Variants in TRPS1 observed in about 807,000 individuals in gnomAD.
TRPS1 encodes transcriptional repressor GATA binding 1.
TRPS1 carries 6 observed loss-of-function variants against 101.2 expected under a neutral mutation model. That is an observed-to-expected ratio of 0.06 (90% CI 0.03 to 0.12). The LOEUF is 0.12. Among genes scored for constraint, TRPS1 ranks in the 10% least tolerant of loss-of-function variants. The probability of loss-of-function intolerance (pLI) is 1.00; values close to 1 mark genes in which losing one functional copy is unlikely to be tolerated. For missense variants in TRPS1, 1,363 were observed against 1,567.0 expected (o/e 0.87, Z 2.20); for synonymous variants, 578 against 589.8 (o/e 0.98, Z 0.29).
intron 3 of TRPS1, among the ~76,000 whole-genome samples, chr8:115,614,860 C>G (rs1429250739): frequency 6.6e-6 from 1 of 152,140 alleles, no homozygotes; most frequent in Non-Finnish European, 1.5e-5. Context: ...TTAATGGTCT[C>G]TGATTTTTTT....
At chr8:115,629,909 T>C (rs1387078224) in intron 1 of TRPS1, among the ~76,000 whole-genome samples, 7 of 152,012 alleles carry the variant, frequency 4.6e-5, no homozygotes. Flanking sequence ...AGTAAACACA[T>C]GTCTATTATA....
At chr8:115,419,385 GA>G (rs544100359) in intron 5 of TRPS1, among the ~76,000 whole-genome samples, 1 of 144,374 alleles carries the variant, frequency 6.9e-6, no homozygotes, top group Non-Finnish European at 1.5e-5. Flanking sequence ...AAAAAAAAAA[GA>G]AAAAAAAAGA....
chr8:115,499,130 A>G (rs1456304727), intron 5 of TRPS1, among the ~76,000 whole-genome samples: 1 of 152,236 alleles, frequency 6.6e-6, no homozygotes, highest in African/African-American at 2.4e-5. Flanking sequence ...ACTAAAGAGC[A>G]GATGAAGAGC....
At chr8:115,480,269 A>C (rs1157015945) in intron 5 of TRPS1, among the ~76,000 whole-genome samples, 1 of 152,114 alleles carries the variant, frequency 6.6e-6, no homozygotes, top group African/African-American at 2.4e-5. Flanking sequence ...AATACCATAC[A>C]AAACACCTAG....
intron 5 of TRPS1, among the ~76,000 whole-genome samples, chr8:115,488,207 A>G (rs567337406): frequency 3.9e-5 from 6 of 151,994 alleles, no homozygotes; most frequent in African/African-American, 1.4e-4. Context: ...TTAAATTAAG[A>G]TATGCACACT....
chr8:115,600,347 C>T (rs1312663669), intron 4 of TRPS1, among the ~76,000 whole-genome samples: 1 of 152,104 alleles, frequency 6.6e-6, no homozygotes, highest in East Asian at 1.9e-4. Flanking sequence ...TAATAGTGAG[C>T]TCATGTAAGA....
intron 1 of TRPS1, among the ~76,000 whole-genome samples, chr8:115,653,920 G>A (rs186349334): frequency 1.3e-5 from 2 of 152,322 alleles, no homozygotes; most frequent in East Asian, 3.9e-4. Flanking sequence ...GCTGTCTTAG[G>A]TTCAACATCT....
chr8:115,627,912 C>T (rs1042791580), intron 1 of TRPS1, among the ~76,000 whole-genome samples: 6 of 151,604 alleles, frequency 4.0e-5, no homozygotes, highest in African/African-American at 1.5e-4. Context: ...TAACATAGTG[C>T]AATTAGAATG....
chr8:115,652,392 G>A (rs1394543832), intron 1 of TRPS1, among the ~76,000 whole-genome samples: 54 of 152,188 alleles, frequency 3.5e-4, no homozygotes, highest in Non-Finnish European at 1.6e-4. Context: ...TTATGTCTGA[G>A]TAGGTTTCTC....
chr8:115,523,653 C>T (rs369257159), intron 5 of TRPS1, among the ~76,000 whole-genome samples: 2 of 152,278 alleles, frequency 1.3e-5, no homozygotes, highest in Admixed American at 6.5e-5. Flanking sequence ...AAAGGTTTCT[C>T]TGTAGTCCGA....
chr8:115,444,306 G>A (rs1813678034), intron 5 of TRPS1, among the ~76,000 whole-genome samples: 1 of 152,098 alleles, frequency 6.6e-6, no homozygotes, highest in South Asian at 2.1e-4. Context: ...TAGAACAGGT[G>A]CTCTGATAAG....
At chr8:115,508,615 C>T (rs539619189) in intron 5 of TRPS1, among the ~76,000 whole-genome samples, 2 of 152,056 alleles carry the variant, frequency 1.3e-5, no homozygotes, top group African/African-American at 4.8e-5. Context: ...TAGTTCTGTT[C>T]AGTTCTGCTT....
At chr8:115,459,718 C>A in intron 5 of TRPS1, among the ~76,000 whole-genome samples, 1 of 152,288 alleles carries the variant, frequency 6.6e-6, no homozygotes, top group East Asian at 1.9e-4. Context: ...TAGTTAGTTA[C>A]ACTATGAAAT....
intron 5 of TRPS1, among the ~76,000 whole-genome samples, chr8:115,485,632 C>T (rs1814860519): frequency 6.6e-6 from 1 of 152,028 alleles, no homozygotes; most frequent in East Asian, 1.9e-4. Flanking sequence ...TATATAGTCA[C>T]TCCGTGAGGG....
intron 5 of TRPS1, among the ~76,000 whole-genome samples, chr8:115,579,612 G>A (rs1415949414): frequency 1.1e-5 from 1 of 92,786 alleles, no homozygotes; most frequent in African/African-American, 4.3e-5. Context: ...TTCATAATCA[G>A]TACCTTTTTT....
At chr8:115,508,408 A>G (rs1022614099) in intron 5 of TRPS1, among the ~76,000 whole-genome samples, 1 of 152,070 alleles carries the variant, frequency 6.6e-6, no homozygotes, top group African/African-American at 2.4e-5. Context: ...TTTCCTGTCA[A>G]ATATTGTCGT....
chr8:115,557,587 T>C (rs528236297), intron 5 of TRPS1, among the ~76,000 whole-genome samples: 54 of 152,226 alleles, frequency 3.5e-4, no homozygotes, highest in African/African-American at 1.2e-3. Flanking sequence ...CTTTCATTCT[T>C]CTCTCTCCTG....
At chr8:115,607,960 A>G (rs1008997149) in intron 3 of TRPS1, among the ~76,000 whole-genome samples, 1 of 152,266 alleles carries the variant, frequency 6.6e-6, no homozygotes, top group East Asian at 1.9e-4. Context: ...CATTTATGCT[A>G]TTTTAAATCT....
chr8:115,648,564 C>A (rs979847513), intron 1 of TRPS1, among the ~76,000 whole-genome samples: 1 of 152,164 alleles, frequency 6.6e-6, no homozygotes, highest in African/African-American at 2.4e-5. Context: ...TCACTCTCAC[C>A]GTAGCTGCTC....
Sources: gnomAD v4.1 joint callset for allele counts (sites outside exome capture counted in the v4.1 genomes callset) on GRCh38, gnomAD v4.1.1 for gene constraint, MANE v1.5 for transcripts, NCBI Gene and HGNC (gene_info 2026-07-23, HGNC 2026-07-21) for gene names.